The following ATRNL1 variants were observed in gnomAD, a reference collection of about 807,000 sequenced individuals.
ATRNL1 encodes attractin like 1.
Under a neutral mutation model 182.7 loss-of-function variants are expected in ATRNL1, and 95 were observed. The ratio of observed to expected loss-of-function variants is 0.52; its 90% CI spans 0.44 to 0.62. The LOEUF is 0.62. Ranked by LOEUF, ATRNL1 falls within the 20% of genes least tolerant of loss-of-function variation. The probability of loss-of-function intolerance (pLI) is 0.00; values close to 1 mark genes in which losing one functional copy is unlikely to be tolerated. For missense variants in ATRNL1, 1,471 were observed against 1,679.5 expected (o/e 0.88, Z 2.17); for synonymous variants, 576 against 568.3 (o/e 1.01, Z -0.19).
chr10:115,703,334 C>A (rs143998026), intron 26 of ATRNL1, among the ~76,000 whole-genome samples: 2 of 152,078 alleles, frequency 1.3e-5, no homozygotes, highest in African/African-American at 4.8e-5. Context: ...AAACACCATT[C>A]TGGACACTGA....
chr10:115,221,633 G>C (rs1024307783), intron 9 of ATRNL1, among the ~76,000 whole-genome samples: 3 of 152,108 alleles, frequency 2.0e-5, no homozygotes, highest in African/African-American at 7.2e-5. Context: ...GAGACAGTTA[G>C]AAATCCTGGA....
At chr10:115,884,876 A>G (rs962976943) in intron 28 of ATRNL1, among the ~76,000 whole-genome samples, 2 of 152,186 alleles carry the variant, frequency 1.3e-5, no homozygotes, top group Non-Finnish European at 1.5e-5. Flanking sequence ...CTCTAATTAT[A>G]CTTTCTTTTT....
At chr10:115,666,408 C>T (rs782700087) in intron 26 of ATRNL1, among the ~76,000 whole-genome samples, 10 of 152,106 alleles carry the variant, frequency 6.6e-5, no homozygotes, top group Non-Finnish European at 1.5e-4. Flanking sequence ...CACCCATTAC[C>T]GTAGTTTATT....
intron 5 of ATRNL1, among the ~76,000 whole-genome samples, chr10:115,133,763 T>C (rs868969918): frequency 0.015 from 2,202 of 150,946 alleles, 46 homozygotes; most frequent in African/African-American, 0.048. Flanking sequence ...AGCACCACAT[T>C]GCACTTATTC....
At chr10:115,102,511 T>C (rs970470156) in intron 1 of ATRNL1, among the ~76,000 whole-genome samples, 2 of 152,158 alleles carry the variant, frequency 1.3e-5, no homozygotes, top group African/African-American at 4.8e-5. Context: ...TGGCATGGTA[T>C]CAGCTCACTG....
intron 20 of ATRNL1, among the ~76,000 whole-genome samples, chr10:115,401,161 A>G (rs1554956899): frequency 6.6e-6 from 1 of 152,108 alleles, no homozygotes; most frequent in Non-Finnish European, 1.5e-5. Flanking sequence ...TGCTACTGGC[A>G]TAAGAGGATG....
chr10:115,201,015 A>C (rs1239597627), intron 8 of ATRNL1, among the ~76,000 whole-genome samples: 1 of 150,470 alleles, frequency 6.6e-6, no homozygotes, highest in Non-Finnish European at 1.5e-5. Flanking sequence ...TTTTGGCTGC[A>C]TAAATGTCTT....
intron 10 of ATRNL1, among the ~76,000 whole-genome samples, chr10:115,262,610 C>T (rs572805702): frequency 6.6e-6 from 1 of 151,900 alleles, no homozygotes; most frequent in African/African-American, 2.4e-5. Context: ...GATGCTGTAG[C>T]ATGGAAGAAT....
chr10:115,258,475 G>A (rs2133863292), intron 10 of ATRNL1, among the ~76,000 whole-genome samples: 1 of 151,984 alleles, frequency 6.6e-6, no homozygotes, highest in African/African-American at 2.4e-5. Flanking sequence ...GGTCATTTAA[G>A]GTCTTCTCTA....
intron 9 of ATRNL1, among the ~76,000 whole-genome samples, chr10:115,216,954 CAT>C (rs1398774394): frequency 6.6e-6 from 1 of 151,788 alleles, no homozygotes; most frequent in Non-Finnish European, 1.5e-5. Flanking sequence ...TTGTATAACT[CAT>C]AAATAGCATC....
chr10:115,428,540 G>C (rs1846007604), intron 21 of ATRNL1, among the ~76,000 whole-genome samples: 1 of 152,012 alleles, frequency 6.6e-6, no homozygotes, highest in African/African-American at 2.4e-5. Context: ...GCCTTTATCA[G>C]ATTAAGGAAA....
At chr10:115,848,481 T>G (rs1950981009) in intron 28 of ATRNL1, among the ~76,000 whole-genome samples, 1 of 152,090 alleles carries the variant, frequency 6.6e-6, no homozygotes, top group Non-Finnish European at 1.5e-5. Context: ...CTCAGTAGGT[T>G]TAAGATATGC....
chr10:115,436,574 A>G (rs1167605549), intron 21 of ATRNL1, among the ~76,000 whole-genome samples: 1 of 152,158 alleles, frequency 6.6e-6, no homozygotes, highest in Non-Finnish European at 1.5e-5. Flanking sequence ...GAAATTCTTA[A>G]TAATTTTCAG....
chr10:115,768,469 C>A (rs944866545), intron 27 of ATRNL1, among the ~76,000 whole-genome samples: 1 of 152,082 alleles, frequency 6.6e-6, no homozygotes, highest in Non-Finnish European at 1.5e-5. Flanking sequence ...TACCTAATTA[C>A]CTTTGATACC....
At chr10:115,763,563 A>G (rs1341390738) in intron 27 of ATRNL1, among the ~76,000 whole-genome samples, 3 of 152,110 alleles carry the variant, frequency 2.0e-5, no homozygotes, top group Non-Finnish European at 2.9e-5. Context: ...GCCTAAGGAA[A>G]ATGATGAGAG....
At chr10:115,725,468 G>A (rs995279271) in intron 26 of ATRNL1, among the ~76,000 whole-genome samples, 2 of 152,122 alleles carry the variant, frequency 1.3e-5, no homozygotes, top group East Asian at 3.9e-4. Context: ...GGCAAGATGA[G>A]GAAAAAGAAG....
chr10:115,247,421 GACA>G (rs2133833781), intron 10 of ATRNL1, among the ~76,000 whole-genome samples: 2 of 152,192 alleles, frequency 1.3e-5, no homozygotes, highest in South Asian at 4.1e-4. Flanking sequence ...AATAATATAT[GACA>G]ACATGTTCAA....
chr10:115,883,537 A>G (rs1332644259), intron 28 of ATRNL1, among the ~76,000 whole-genome samples: 3 of 152,260 alleles, frequency 2.0e-5, no homozygotes, highest in Non-Finnish European at 2.9e-5. Flanking sequence ...ATACATGGGT[A>G]TGGTATACCG....
intron 14 of ATRNL1, among the ~76,000 whole-genome samples, chr10:115,282,735 T>C (rs1852426979): frequency 6.6e-6 from 1 of 152,116 alleles, no homozygotes; most frequent in Non-Finnish European, 1.5e-5. Flanking sequence ...ATGACAGAGT[T>C]GTAGCTATTA....
Sources: gnomAD v4.1 joint callset for allele counts (sites outside exome capture counted in the v4.1 genomes callset) on GRCh38, gnomAD v4.1.1 for gene constraint, MANE v1.5 for transcripts, NCBI Gene and HGNC (gene_info 2026-07-23, HGNC 2026-07-21) for gene names.